The following KDM4A variants were observed in gnomAD, a reference collection of about 807,000 sequenced individuals.
KDM4A encodes the protein lysine-specific demethylase 4A.
A neutral mutation model predicts 127.1 loss-of-function variants in KDM4A; 23 were observed. That is an observed-to-expected ratio of 0.18 (90% CI 0.13 to 0.26). KDM4A has a LOEUF of 0.26. Among genes scored for constraint, KDM4A ranks in the 10% least tolerant of loss-of-function variants. The pLI is 1.00. For missense variants in KDM4A, 890 were observed against 1,329.1 expected (o/e 0.67, Z 5.14); for synonymous variants, 443 against 466.5 (o/e 0.95, Z 0.65).
chr1:43,696,062 T>C (rs1409009442), intron 18 of KDM4A, among the ~76,000 whole-genome samples: 2 of 152,208 alleles, frequency 1.3e-5, no homozygotes, highest in East Asian at 1.9e-4. Context: ...GATTTGGCTA[T>C]TAGCATTTAA....
chr1:43,704,112 GGTGA>G lies in KDM4A; in HGVS notation c.3054+3_3054+6del. 6.2e-7 allele frequency: 1 copy of G among 1,613,774 alleles called. No homozygotes were observed. The highest frequency in any genetic ancestry group is 8.5e-7 in the Non-Finnish European group (1 of 1,179,692). The stretch of plus-strand genomic sequence containing the variant: ...TTCCCAAGAGAGTCAAATCTAGACT[GGTGA>G]GTATTTTCTGTGTCCCCCCAGTTCC... On this transcript the variant is annotated splice_donor_variant and splice_donor_region_variant and intron_variant, in intron 21 of 21. Coordinates refer to ENST00000372396, the MANE Select transcript of KDM4A (RefSeq NM_014663.3). LOFTEE classifies it high-confidence loss of function.
intron 19 of KDM4A, among the ~76,000 whole-genome samples, chr1:43,700,661 A>G (rs1421332386): frequency 6.6e-6 from 1 of 151,718 alleles, no homozygotes; most frequent in African/African-American, 2.4e-5. Flanking sequence ...GGCTCAAGCG[A>G]TTTCTTTTGC....
chr1:43,663,785 A>G (rs1424588172), intron 5 of KDM4A, among the ~76,000 whole-genome samples: 5 of 151,912 alleles, frequency 3.3e-5, no homozygotes, highest in African/African-American at 1.2e-4. Context: ...CACTATGCCC[A>G]GCTAATTTTT....
At chr1:43,656,063 C>G (rs1660229287) in intron 3 of KDM4A, among the ~76,000 whole-genome samples, 1 of 152,168 alleles carries the variant, frequency 6.6e-6, no homozygotes, top group African/African-American at 2.4e-5. Flanking sequence ...GCACAAGGAG[C>G]TTTTGCTGGG....
rs749842799 is a variant in KDM4A at position 43,667,828 on chromosome 1, C to T, written c.972C>T (p.Phe324=). ...KISMDVFVRK[F]QPERYKLWKA... ...CCATGGATGTGTTTGTGAGAAAGTTCCAGCCAGAAAGGTACAAACTTTGGA... is the reference window on the plus strand; with the variant it reads ...CCATGGATGTGTTTGTGAGAAAGTTTCAGCCAGAAAGGTACAAACTTTGGA... The change falls in exon 9 of 22, where the codon TTC becomes TTT. Residue 324 remains phenylalanine, a synonymous_variant. Transcript: ENST00000372396. The T allele has an allele frequency of 1.4e-5, 22 of 1,613,964 alleles. No homozygotes were observed. The highest frequency in any genetic ancestry group is 2.2e-5 in the East Asian group (1 of 44,888).
chr1:43,660,210 C>T, intron 3 of KDM4A, 88 bp from the exon 4 acceptor site: 2 of 1,395,812 alleles, frequency 1.4e-6, no homozygotes, highest in Non-Finnish European at 2.0e-6. Flanking sequence ...CTTGCTGTCA[C>T]TGGAATAGGG....
intron 12 of KDM4A, among the ~76,000 whole-genome samples, chr1:43,685,307 G>A (rs1660947174): frequency 6.6e-6 from 1 of 152,228 alleles, no homozygotes; most frequent in Admixed American, 6.5e-5. Context: ...CATCACTGCC[G>A]AGCCTCAGCT....
chr1:43,668,564 C>T (rs533891470), intron 9 of KDM4A, among the ~76,000 whole-genome samples: 10 of 152,086 alleles, frequency 6.6e-5, no homozygotes, highest in Non-Finnish European at 1.2e-4. Flanking sequence ...TGGAGCAAGG[C>T]GTCAGTTATA....
At chr1:43,685,859 TC>T (rs1169474702) in intron 12 of KDM4A, among the ~76,000 whole-genome samples, 1 of 152,078 alleles carries the variant, frequency 6.6e-6, no homozygotes, top group Non-Finnish European at 1.5e-5. Context: ...CTGAGTCAGG[TC>T]CTAGGAAGTT....
intron 20 of KDM4A, 49 bp downstream of exon 20, chr1:43,703,785 C>A (rs760758857): frequency 1.2e-6 from 2 of 1,608,958 alleles, no homozygotes; most frequent in South Asian, 1.1e-5. Context: ...TTGATTAATT[C>A]TGTGCTTCCT....
In KDM4A at chr1:43,661,632, A is replaced by AAAG. The variant is rs1553230784; in HGVS notation, c.429+1222_429+1223insGAA. Among the ~76,000 whole-genome samples the AAAG allele has an allele frequency of 9.1e-4, 97 of 106,068 alleles. 8 individuals carry two copies. The highest frequency in any genetic ancestry group is 2.6e-3 in the African/African-American group (68 of 25,868). The allele number at this position is 106,068 out of a possible 152,430, so 69.6% of individuals were successfully genotyped here. A position where few individuals can be genotyped will look rare whatever the true frequency, so the allele number is the denominator to read the frequency against. On this transcript the variant is annotated intron_variant, in intron 4 of 21. Coordinates refer to ENST00000372396, the MANE Select transcript of KDM4A (RefSeq NM_014663.3). ...TCAAAAAAAAAAAAAAAAAAAAAAA[A>AAAG]AAAAAAAAGAATTCCAGTTTTGTTG...
At chr1:43,680,846 G>A (rs1190604105) in intron 11 of KDM4A, among the ~76,000 whole-genome samples, 1 of 152,190 alleles carries the variant, frequency 6.6e-6, no homozygotes, top group Non-Finnish European at 1.5e-5. Flanking sequence ...AACACTATCT[G>A]ATTAGCAATC....
chr1:43,698,749 C>T (rs1308892334), intron 19 of KDM4A, among the ~76,000 whole-genome samples: 1 of 152,122 alleles, frequency 6.6e-6, no homozygotes, highest in Non-Finnish European at 1.5e-5. Context: ...ATAGAAAAGG[C>T]GACATTAGTA....
At chr1:43,686,518 G>A (rs1971342) in intron 12 of KDM4A, among the ~76,000 whole-genome samples, 34,592 of 151,590 alleles carry the variant, frequency 0.23, 4,604 homozygotes, top group Non-Finnish European at 0.3. Flanking sequence ...TGTATCTTTA[G>A]TAGAGACGGG....
At chr1:43,675,023 C>G (rs1333866666) in intron 11 of KDM4A, among the ~76,000 whole-genome samples, 2 of 152,240 alleles carry the variant, frequency 1.3e-5, no homozygotes, top group African/African-American at 4.8e-5. Flanking sequence ...GGTCTTCTCT[C>G]TGACATGTCT....
chr1:43,651,843 C>T (rs1660120713), intron 1 of KDM4A, among the ~76,000 whole-genome samples: 1 of 152,170 alleles, frequency 6.6e-6, no homozygotes, highest in South Asian at 2.1e-4. Flanking sequence ...TTGCTTTCTC[C>T]AATCAGTTAT....
chr1:43,669,350 C>T (rs767731547), intron 10 of KDM4A, 51 bp downstream of exon 10: 48 of 1,541,932 alleles, frequency 3.1e-5, no homozygotes, highest in Admixed American at 5.0e-5. Flanking sequence ...ATATGTGTCC[C>T]GTGTTAGATG....
intron 11 of KDM4A, among the ~76,000 whole-genome samples, chr1:43,676,088 TAAA>T (rs533210766): frequency 4.4e-5 from 4 of 91,206 alleles, no homozygotes; most frequent in Admixed American, 2.4e-4. Context: ...CTCAAAAAGA[TAAA>T]AAAAAAAAAA....
chr1:43,669,733 C>G (rs1660577078), intron 10 of KDM4A, among the ~76,000 whole-genome samples: 1 of 151,242 alleles, frequency 6.6e-6, no homozygotes, highest in Non-Finnish European at 1.5e-5. Context: ...ACTGCAACTT[C>G]TGCCTCCTGG....
Sources: gnomAD v4.1 joint callset for allele counts (sites outside exome capture counted in the v4.1 genomes callset) on GRCh38, gnomAD v4.1.1 for gene constraint, MANE v1.5 for transcripts, NCBI Gene and HGNC (gene_info 2026-07-23, HGNC 2026-07-21) for gene names.